RGS6: variants seen among roughly 807,000 people sequenced by gnomAD.
The protein encoded by RGS6 is regulator of G protein signaling 6.
In RGS6, 30 loss-of-function variants were observed where a neutral mutation model predicts 78.5. The observed-to-expected ratio is 0.38, with a 90% CI of 0.29 to 0.52. The LOEUF is 0.52. Among genes scored for constraint, RGS6 ranks in the 20% least tolerant of loss-of-function variants. The pLI is 0.85. For missense variants in RGS6, 495 were observed against 609.7 expected (o/e 0.81, Z 1.98); for synonymous variants, 206 against 206.0 (o/e 1.00, Z 0.00).
intron 1 of RGS6, among the ~76,000 whole-genome samples, chr14:71,934,749 CTCTT>C (rs1274020222): frequency 1.3e-5 from 2 of 152,284 alleles, no homozygotes; most frequent in African/African-American, 2.4e-5. Flanking sequence ...TTTTGGATGT[CTCTT>C]TGTCTACAGG....
intron 2 of RGS6, among the ~76,000 whole-genome samples, chr14:72,187,863 G>T (rs147967658): frequency 5.2e-4 from 76 of 145,140 alleles, no homozygotes; most frequent in African/African-American, 1.8e-3. Context: ...TGCTTTTGTG[G>T]TTATTTGCAG....
the RGS6 span, among the ~76,000 whole-genome samples, chr14:71,903,566 G>A: frequency 6.6e-6 from 1 of 152,242 alleles, no homozygotes; most frequent in Admixed American, 6.5e-5. Context: ...CCTGGGGTTA[G>A]TCAGACAGTC....
At chr14:72,173,025 C>G (rs1286647423) in intron 2 of RGS6, among the ~76,000 whole-genome samples, 2 of 152,160 alleles carry the variant, frequency 1.3e-5, no homozygotes, top group Non-Finnish European at 2.9e-5. Context: ...CCAGGATTTC[C>G]CATTCAGAGT....
intron 2 of RGS6, among the ~76,000 whole-genome samples, chr14:72,291,665 A>G (rs980351206): frequency 6.6e-6 from 1 of 152,246 alleles, no homozygotes; most frequent in South Asian, 2.1e-4. Context: ...CTAGAAAGAT[A>G]GAGCAGAGTA....
chr14:72,387,374 C>T (rs1044422467), intron 3 of RGS6, among the ~76,000 whole-genome samples: 3 of 152,016 alleles, frequency 2.0e-5, no homozygotes, highest in African/African-American at 7.2e-5. Context: ...ACAGCAAAAC[C>T]CCATCTCTAC....
At chr14:72,381,885 A>T (rs1193059910) in intron 3 of RGS6, among the ~76,000 whole-genome samples, 1 of 152,084 alleles carries the variant, frequency 6.6e-6, no homozygotes, top group Non-Finnish European at 1.5e-5. Flanking sequence ...TTGGGAAAGG[A>T]TATAAACGTC....
chr14:71,973,731 A>C (rs1459509355), intron 2 of RGS6, among the ~76,000 whole-genome samples: 1 of 152,228 alleles, frequency 6.6e-6, no homozygotes, highest in Non-Finnish European at 1.5e-5. Context: ...TTAATTGTTC[A>C]GTCTACATTT....
chr14:71,965,194 A>G (rs1379800705), intron 2 of RGS6, among the ~76,000 whole-genome samples: 3 of 152,182 alleles, frequency 2.0e-5, no homozygotes, highest in African/African-American at 4.8e-5. Context: ...AGTTCTTCAG[A>G]CTCGTAGTAT....
At chr14:72,291,000 C>T (rs1200966937) in intron 2 of RGS6, among the ~76,000 whole-genome samples, 1 of 152,010 alleles carries the variant, frequency 6.6e-6, no homozygotes, top group Non-Finnish European at 1.5e-5. Flanking sequence ...CTGCTCCCGC[C>T]AGATGATCAC....
intron 2 of RGS6, among the ~76,000 whole-genome samples, chr14:72,116,639 G>T (rs540312062): frequency 6.6e-6 from 1 of 152,208 alleles, no homozygotes; most frequent in Non-Finnish European, 1.5e-5. Flanking sequence ...ATACCACTGA[G>T]ATACTTTCAG....
chr14:72,027,002 A>G (rs1448811401), intron 2 of RGS6, among the ~76,000 whole-genome samples: 2 of 152,140 alleles, frequency 1.3e-5, no homozygotes, highest in East Asian at 1.9e-4. Flanking sequence ...TCACAGATCT[A>G]GGCCTGGGGC....
At chr14:71,936,776 A>G (rs1392058673) in intron 1 of RGS6, among the ~76,000 whole-genome samples, 1 of 152,236 alleles carries the variant, frequency 6.6e-6, no homozygotes, top group African/African-American at 2.4e-5. Context: ...GAGTGTATAT[A>G]TACACAAACA....
In RGS6 at chr14:72,087,574, G is replaced by A. The variant is rs529583197; in HGVS notation, c.84+122699G>A. Among the ~76,000 whole-genome samples, 8 of 151,604 alleles carry A rather than the reference G, an allele frequency of 5.3e-5. No individual in the cohort carries two copies. In the South Asian group the frequency reaches 1.0e-3, roughly 20 times the overall value. ...GAAAAAGGAAGCTCCAGAGAAATAC[G>A]CGTATTATAGCTTGGTTATAAAATT... On this transcript the variant is annotated intron_variant, in intron 2 of 17. Transcript: ENST00000553525.
intron 2 of RGS6, among the ~76,000 whole-genome samples, chr14:72,183,428 T>C (rs1015488401): frequency 2.0e-5 from 3 of 152,226 alleles, no homozygotes; most frequent in South Asian, 2.1e-4. Flanking sequence ...CTAGTACTTA[T>C]ATTGTAGGTC....
intron 2 of RGS6, among the ~76,000 whole-genome samples, chr14:72,078,911 CCTT>C: frequency 6.6e-6 from 1 of 152,120 alleles, no homozygotes; most frequent in East Asian, 1.9e-4. Context: ...TCTCTTTTCT[CCTT>C]CTATACTTGT....
At chr14:71,909,971 T>C in the RGS6 span, among the ~76,000 whole-genome samples, 1 of 152,116 alleles carries the variant, frequency 6.6e-6, no homozygotes, top group Admixed American at 6.5e-5. Flanking sequence ...GCAGATTGCC[T>C]GAGCTCAGGA....
At position 72,563,182 on chromosome 14, in the gene RGS6, G is replaced by A. The variant is rs558618725; in HGVS notation, c.*715G>A. On this transcript the variant is annotated 3_prime_UTR_variant, in exon 18 of 18. Transcript: ENST00000553525. Reference sequence around the variant, plus strand: ...CACATGTCTCAAGGGTCCAGCGTTCGAGGAAGCACTGTTGTAGATGACAGA... The same window carrying A: ...CACATGTCTCAAGGGTCCAGCGTTCAAGGAAGCACTGTTGTAGATGACAGA... 7.6e-5 allele frequency: 16 copies of A among 211,484 alleles called. No homozygotes were observed. The highest frequency in any genetic ancestry group is 4.1e-4 in the East Asian group (4 of 9,698). 13.1% of individuals were successfully genotyped at this position (211,484 alleles called of 1,614,324 possible).
the RGS6 span, among the ~76,000 whole-genome samples, chr14:71,914,254 T>C: frequency 6.6e-6 from 1 of 152,346 alleles, no homozygotes; most frequent in South Asian, 2.1e-4. Context: ...TGTATTTCTT[T>C]AGAGAAGTGA....
At chr14:72,108,182 T>C (rs2153540101) in intron 2 of RGS6, among the ~76,000 whole-genome samples, 1 of 152,286 alleles carries the variant, frequency 6.6e-6, no homozygotes, top group Admixed American at 6.5e-5. Context: ...CTCTACTTAA[T>C]GTTCATTTTT....
Sources: allele counts gnomAD v4.1 joint callset (sites outside exome capture counted in the v4.1 genomes callset), GRCh38; gene constraint gnomAD v4.1.1; transcripts MANE v1.5; gene names NCBI Gene and HGNC (gene_info 2026-07-23, HGNC 2026-07-21).